Variants in CHRM3 observed in about 807,000 individuals in gnomAD.
The protein encoded by CHRM3 is cholinergic receptor muscarinic 3.
CHRM3 carries 11 observed loss-of-function variants against 41.8 expected under a neutral mutation model. The observed-to-expected ratio is 0.26, with a 90% CI of 0.17 to 0.44. The LOEUF (loss-of-function observed/expected upper bound fraction) is 0.44, where lower values mean the gene tolerates loss of function less well. Ranked by LOEUF, CHRM3 falls within the 20% of genes least tolerant of loss-of-function variation. The pLI, the probability that CHRM3 is intolerant of heterozygous loss-of-function variation, is 1.00. For synonymous variants in CHRM3, 297 were observed against 301.4 expected, an observed-to-expected ratio of 0.99 and a Z score of 0.15; for missense variants, 571 against 745.4, an observed-to-expected ratio of 0.77 and a Z score of 2.72.
chr1:239,554,991 G>A (rs555291585), intron 3 of CHRM3, among the ~76,000 whole-genome samples: 2 of 152,202 alleles, frequency 1.3e-5, no homozygotes, highest in African/African-American at 4.8e-5. Flanking sequence ...GCCTCCCAAG[G>A]TGCTGGGATT....
intron 6 of CHRM3, among the ~76,000 whole-genome samples, chr1:239,849,560 G>C (rs1434296073): frequency 6.6e-6 from 1 of 152,096 alleles, no homozygotes; most frequent in Non-Finnish European, 1.5e-5. Context: ...AGACACAAAC[G>C]TGTTTTGCTG....
At chr1:239,437,701 T>A (rs1041200355) in intron 1 of CHRM3, among the ~76,000 whole-genome samples, 3 of 151,992 alleles carry the variant, frequency 2.0e-5, no homozygotes, top group African/African-American at 7.3e-5. Context: ...ACCCTCTTAT[T>A]GGGCCTGTGC....
chr1:239,598,157 T>G (rs2148671491), intron 3 of CHRM3, among the ~76,000 whole-genome samples: 1 of 152,264 alleles, frequency 6.6e-6, no homozygotes, highest in Non-Finnish European at 1.5e-5. Flanking sequence ...CCTCCTCTAG[T>G]GCTTTGTAAG....
chr1:239,667,850 G>A (rs980576453), intron 4 of CHRM3, among the ~76,000 whole-genome samples: 1 of 152,000 alleles, frequency 6.6e-6, no homozygotes, highest in African/African-American at 2.4e-5. Context: ...TCCCATACCT[G>A]ATAGGAACAG....
At chr1:239,401,605 C>T (rs1325232697) in intron 1 of CHRM3, among the ~76,000 whole-genome samples, 1 of 152,026 alleles carries the variant, frequency 6.6e-6, no homozygotes, top group East Asian at 1.9e-4. Context: ...ATTCTCCTGC[C>T]TCAGCCTCCT....
Position 239,907,887 on chromosome 1 carries a change from G to T in CHRM3, c.436G>T (p.Ala146Ser). The T allele has an allele frequency of 6.2e-7, 1 of 1,614,188 alleles. No homozygotes were observed. Among genetic ancestry groups the T allele is most frequent in the Non-Finnish European group, 8.5e-7 (1 of 1,180,038 alleles). Reference sequence around the variant, plus strand: ...GAACTTGGCCTGTGACCTCTGGCTTGCCATTGACTACGTAGCCAGCAATGC... The same window carrying T: ...GAACTTGGCCTGTGACCTCTGGCTTTCCATTGACTACGTAGCCAGCAATGC... ...LGNLACDLWL[A>S]IDYVASNASV... Residue 146 changes from alanine to serine, a missense_variant, in exon 7 of 7, where the codon GCC becomes TCC. Physicochemically the swap from Ala to Ser is moderately conservative, Grantham distance 99. Coordinates refer to ENST00000676153, the MANE Select transcript of CHRM3 (RefSeq NM_001375978.1). This position sits in a 1 kb window ranked among gnomAD's most constrained non-coding sequence, Gnocchi z 5.4.
intron 5 of CHRM3, among the ~76,000 whole-genome samples, chr1:239,762,181 C>A (rs1666850108): frequency 6.6e-6 from 1 of 152,134 alleles, no homozygotes; most frequent in South Asian, 2.1e-4. Flanking sequence ...ATCTAGCTTA[C>A]CCTTTTCATC....
At chr1:239,833,273 C>T (rs776118938) in intron 6 of CHRM3, among the ~76,000 whole-genome samples, 8 of 152,162 alleles carry the variant, frequency 5.3e-5, no homozygotes, top group East Asian at 1.9e-4. Flanking sequence ...ACTCTTTCCC[C>T]GCTTGGGATA....
At chr1:239,401,721 G>A (rs1418979958) in intron 1 of CHRM3, among the ~76,000 whole-genome samples, 5 of 152,080 alleles carry the variant, frequency 3.3e-5, no homozygotes, top group Non-Finnish European at 7.3e-5. Context: ...TCGATCTCTT[G>A]ACCTCAGGCG....
chr1:239,456,284 G>T (rs1272467023), intron 1 of CHRM3, among the ~76,000 whole-genome samples: 1 of 152,192 alleles, frequency 6.6e-6, no homozygotes, highest in Non-Finnish European at 1.5e-5. Flanking sequence ...TTCCAATCCT[G>T]CAAGCTGCGT....
At chr1:239,906,738 T>C (rs767252731) in intron 6 of CHRM3, among the ~76,000 whole-genome samples, 3 of 152,156 alleles carry the variant, frequency 2.0e-5, no homozygotes, top group Non-Finnish European at 4.4e-5. Flanking sequence ...ATACTAGAAA[T>C]ATTTAAAGCT....
chr1:239,878,136 C>T (rs143724988), intron 6 of CHRM3, among the ~76,000 whole-genome samples: 1,767 of 151,902 alleles, frequency 0.012, 11 homozygotes, highest in Non-Finnish European at 0.019. Flanking sequence ...GTAATCCACC[C>T]GCTTCGGCCT....
chr1:239,856,845 A>C (rs1044203554), intron 6 of CHRM3, among the ~76,000 whole-genome samples: 1 of 152,196 alleles, frequency 6.6e-6, no homozygotes, highest in African/African-American at 2.4e-5. Flanking sequence ...AGGATAGTGC[A>C]TGAAGGCTTC....
At chr1:239,560,649 A>T (rs571873919) in intron 3 of CHRM3, among the ~76,000 whole-genome samples, 1 of 152,028 alleles carries the variant, frequency 6.6e-6, no homozygotes, top group Admixed American at 6.6e-5. Context: ...TTCATTCTGT[A>T]TTGCAACTTT....
At chr1:239,503,607 A>T (rs1668381803) in intron 2 of CHRM3, among the ~76,000 whole-genome samples, 1 of 152,210 alleles carries the variant, frequency 6.6e-6, no homozygotes, top group Non-Finnish European at 1.5e-5. Flanking sequence ...TGCATAGCCA[A>T]AGCAATACTA....
chr1:239,654,206 G>A (rs1191371497), intron 4 of CHRM3, among the ~76,000 whole-genome samples: 4 of 152,206 alleles, frequency 2.6e-5, no homozygotes, highest in East Asian at 3.9e-4. Context: ...CTGGGTTTAA[G>A]CAATCCTCTT....
intron 1 of CHRM3, among the ~76,000 whole-genome samples, chr1:239,402,534 G>C (rs966353931): frequency 1.3e-5 from 2 of 152,122 alleles, no homozygotes; most frequent in African/African-American, 2.4e-5. Flanking sequence ...TCCCCGCTCT[G>C]TCATGTCACT....
At chr1:239,774,872 G>A (rs1370869283) in intron 5 of CHRM3, among the ~76,000 whole-genome samples, 1 of 152,158 alleles carries the variant, frequency 6.6e-6, no homozygotes, top group South Asian at 2.1e-4. Flanking sequence ...TGTAGAGAGG[G>A]AAAAATTTGA....
At chr1:239,650,672 G>T (rs745349538) in intron 4 of CHRM3, among the ~76,000 whole-genome samples, 2 of 152,172 alleles carry the variant, frequency 1.3e-5, no homozygotes, top group Non-Finnish European at 2.9e-5. Context: ...AATAAAAATG[G>T]ATTCATTTTC....
Sources: gnomAD v4.1 joint callset for allele counts (sites outside exome capture counted in the v4.1 genomes callset) on GRCh38, gnomAD v4.1.1 for gene constraint, Gnocchi (gnomAD v3.1) non-coding constraint, MANE v1.5 for transcripts, NCBI Gene and HGNC (gene_info 2026-07-23, HGNC 2026-07-21) for gene names.